The following LPA variants were observed in gnomAD, a reference collection of about 807,000 sequenced individuals.
LPA encodes lipoprotein(a), also known as apolipoprotein(a).
In LPA, 199 loss-of-function variants were observed where a neutral mutation model predicts 197.9. That is an observed-to-expected ratio of 1.01 (90% CI 0.90 to 1.13). LPA has a LOEUF of 1.13. Among genes scored for constraint, LPA ranks in the 50% most tolerant of loss-of-function variants. LPA has a pLI of 0.00. For missense variants in LPA, 1,853 were observed against 1,785.8 expected (o/e 1.04, Z -0.68); for synonymous variants, 715 against 639.5 (o/e 1.12, Z -1.78).
rs112136128 is a variant in LPA at position 160,572,377 on chromosome 6, T to C, written c.4631+4759A>G. ...TCCTTTAAGTGGAGCATTTAGGCCA[T>C]TTAGATTCAATTTTAGCATTGAAAT... On this transcript the variant is annotated intron_variant, in intron 28 of 38. Transcript: ENST00000316300. Among the ~76,000 whole-genome samples, 81 of 152,314 alleles carry C rather than the reference T, an allele frequency of 5.3e-4. 2 individuals are homozygous for C. Among genetic ancestry groups the C allele is most frequent in the African/African-American group, 1.9e-3 (77 of 41,570 alleles).
At chr6:160,615,370 G>C (rs76523470) in intron 14 of LPA, among the ~76,000 whole-genome samples, 6,427 of 126,254 alleles carry the variant, frequency 0.051, 48 homozygotes, top group East Asian at 0.12. Context: ...GTGTGTGTGT[G>C]TGTGTGTGTG....
Position 160,577,159 on chromosome 6 carries a change from C to T in LPA, c.4608G>A (p.Arg1536=), listed in dbSNP as rs201791496. ...ACGCATTTGGGTAGTTTTCTGGGGT[C>T]CTCTGATGCCAGTGTGGTATCATAG... ...WSSMIPHWHQ[R]TPENYPNAGL... Residue 1536 remains arginine, a synonymous_variant, in exon 28 of 39, where the codon AGG becomes AGA. Transcript: ENST00000316300. 2,413 of 1,613,728 alleles carry T rather than the reference C, an allele frequency of 1.5e-3. 3 individuals carry two copies. The highest frequency in any genetic ancestry group is 1.8e-3 in the Non-Finnish European group (2,158 of 1,179,800).
chr6:160,574,296 T>C (rs73784288), intron 28 of LPA, among the ~76,000 whole-genome samples: 1,646 of 151,852 alleles, frequency 0.011, 32 homozygotes, highest in African/African-American at 0.038. Flanking sequence ...GGGGGGAAAG[T>C]CAGGCTTGAA....
At chr6:160,540,233 G>A in intron 35 of LPA, 50 bp from the exon 36 acceptor site, 1 of 1,611,794 alleles carries the variant, frequency 6.2e-7, no homozygotes, top group South Asian at 1.1e-5. Flanking sequence ...GCCCCTTCAG[G>A]TATCCTCTGT....
At chr6:160,588,363 T>A (rs570068019) in intron 24 of LPA, among the ~76,000 whole-genome samples, 1 of 152,218 alleles carries the variant, frequency 6.6e-6, no homozygotes, top group Non-Finnish European at 1.5e-5. Flanking sequence ...TCACCTTGAT[T>A]CTAGGAATAA....
intron 4 of LPA, among the ~76,000 whole-genome samples, chr6:160,642,784 GT>G (rs1416773647): frequency 3.4e-5 from 2 of 58,506 alleles, no homozygotes; most frequent in Non-Finnish European, 3.6e-5. Context: ...TACAGGTTGG[GT>G]TTTTTTTCCG....
In LPA at chr6:160,575,446, G is replaced by A. The variant is rs114163016; in HGVS notation, c.4631+1690C>T. On this transcript the variant is annotated intron_variant, in intron 28 of 38. Coordinates refer to ENST00000316300, the MANE Select transcript of LPA (RefSeq NM_005577.4). Reference sequence around the variant, plus strand: ...AATTTTTAAATTTATGTCACATATTGTGGATGCCAGATAACTGAGCAATTT... The same window carrying A: ...AATTTTTAAATTTATGTCACATATTATGGATGCCAGATAACTGAGCAATTT... 5.4e-3 allele frequency among the ~76,000 whole-genome samples: 815 copies of A among 152,290 alleles called. 15 individuals carry two copies. Among genetic ancestry groups the A allele is most frequent in the African/African-American group, 0.019 (800 of 41,550 alleles).
chr6:160,563,099 C>T (rs1583580620), intron 28 of LPA, among the ~76,000 whole-genome samples: 3 of 152,058 alleles, frequency 2.0e-5, no homozygotes, highest in African/African-American at 7.2e-5. Context: ...TATTTCTTGT[C>T]TTCTGCTAGC....
At chr6:160,579,330 A>T (rs1337827038) in intron 26 of LPA, among the ~76,000 whole-genome samples, 3 of 152,122 alleles carry the variant, frequency 2.0e-5, no homozygotes, top group South Asian at 4.1e-4. Context: ...GGTCTACAGG[A>T]CTTATAAAAG....
At chr6:160,541,065 T>A (rs372722728) in intron 35 of LPA, 42 bp downstream of exon 35, 145 of 1,547,818 alleles carry the variant, frequency 9.4e-5, no homozygotes, top group Non-Finnish European at 1.3e-4. Flanking sequence ...AGGAAAAAAG[T>A]CTTGAAGATA....
intron 17 of LPA, among the ~76,000 whole-genome samples, chr6:160,605,915 A>G (rs1183815653): frequency 6.6e-6 from 1 of 152,124 alleles, no homozygotes; most frequent in East Asian, 1.9e-4. Flanking sequence ...GCAGTCACTC[A>G]CTTAAAAACC....
rs1321159121 is a variant in LPA, at chr6:160,591,054, G to A, written c.3677C>T (p.Pro1226Leu). The change falls in exon 23 of 39, where the codon CCT becomes CTT. Residue 1226 changes from proline to leucine, a missense_variant. Pro to Leu is a moderately conservative substitution (Grantham distance 98, BLOSUM62 -3). Coordinates refer to ENST00000316300, the MANE Select transcript of LPA (RefSeq NM_005577.4). ...ATTGGGATCCATGGTATAACACCAA[G>A]GACTAATCTCAGCATCTGGATTCCT... ...YCRNPDAEISPWCYTMDPNVR... is the reference protein window; with the variant it reads ...YCRNPDAEISLWCYTMDPNVR... 10 of 1,613,934 alleles carry A rather than the reference G, an allele frequency of 6.2e-6. No homozygotes were observed. Among genetic ancestry groups the A allele is most frequent in the Non-Finnish European group, 7.6e-6 (9 of 1,179,910 alleles).
intron 28 of LPA, among the ~76,000 whole-genome samples, chr6:160,560,636 G>GT (rs978084399): frequency 7.9e-4 from 118 of 148,662 alleles, no homozygotes; most frequent in African/African-American, 2.4e-3. Flanking sequence ...TGATGGGGTT[G>GT]TTTTTTTTTT....
chr6:160,564,124 T>G (rs1185811059), intron 28 of LPA, among the ~76,000 whole-genome samples: 1 of 152,204 alleles, frequency 6.6e-6, no homozygotes, highest in Non-Finnish European at 1.5e-5. Context: ...TAGCTGGCTA[T>G]TTTGCCCATT....
Position 160,585,078 on chromosome 6 carries a change from C to T in LPA, c.4257G>A (p.Trp1419Ter), listed in dbSNP as rs1265573700. ...CQSWSSMTPH[W>*]HRRIPLYYPN... ...GATAGTATAATGGGATCCTCCGATGCCAATGTGGTGTCATAGACGACCAAG... is the reference window on the plus strand; with the variant it reads ...GATAGTATAATGGGATCCTCCGATGTCAATGTGGTGTCATAGACGACCAAG... Residue 1419 changes from tryptophan to a stop codon, truncating the protein, a stop_gained, in exon 26 of 39, where the codon TGG becomes TGA. Transcript: ENST00000316300. LOFTEE classifies it high-confidence loss of function. The T allele has an allele frequency of 1.2e-6, 2 of 1,613,746 alleles. No individual in the cohort carries two copies. The highest frequency in any genetic ancestry group is 1.7e-5 in the Admixed American group (1 of 59,992).
At chr6:160,555,924 C>G (rs1583575894) in intron 30 of LPA, 101 bp downstream of exon 30, 3 of 1,125,778 alleles carry the variant, frequency 2.7e-6, no homozygotes, top group Non-Finnish European at 4.1e-6. Flanking sequence ...CCTTCTGGGT[C>G]TAAGGGAAAT....
rs749929484 is a variant in LPA at position 160,556,125 on chromosome 6, G to A, written c.4873C>T (p.Arg1625Ter). 85 of 1,613,810 alleles carry A rather than the reference G, an allele frequency of 5.3e-5. No individual in the cohort carries two copies. The highest frequency in any genetic ancestry group is 3.3e-4 in the Middle Eastern group (2 of 6,082). The change falls in exon 30 of 39, where the codon CGA (arginine) becomes TGA (stop). Residue 1625 changes from arginine to a stop codon, truncating the protein, a stop_gained. Transcript: ENST00000316300. LOFTEE classifies it high-confidence loss of function. ...QCYHGNGQSY[R>*]GTFSTTVTGR... ...GTGACAGTGGTGGAGAATGTGCCTC[G>A]ATAACTCTGGCCATTACCATGGTAG...
intron 17 of LPA, among the ~76,000 whole-genome samples, chr6:160,605,571 G>A (rs1297476564): frequency 6.6e-6 from 1 of 152,168 alleles, no homozygotes; most frequent in African/African-American, 2.4e-5. Flanking sequence ...CTATGGGGCA[G>A]CAAACAGCAA....
At chr6:160,533,627 G>T (rs1349425118) in intron 37 of LPA, among the ~76,000 whole-genome samples, 1 of 152,088 alleles carries the variant, frequency 6.6e-6, no homozygotes, top group East Asian at 1.9e-4. Flanking sequence ...CAGTAACATT[G>T]CCAAATTATT....
Sources: gnomAD v4.1 joint callset for allele counts (sites outside exome capture counted in the v4.1 genomes callset) on GRCh38, gnomAD v4.1.1 for gene constraint, MANE v1.5 for transcripts, NCBI Gene and HGNC (gene_info 2026-07-23, HGNC 2026-07-21) for gene names.